Variants in UMAD1 observed in about 807,000 individuals in gnomAD.
UMAD1 encodes UBAP1-MVB12-associated (UMA)-domain containing protein 1.
In UMAD1, 8 loss-of-function variants were observed where a neutral mutation model predicts 6.1. That is an observed-to-expected ratio of 1.30 (90% confidence interval 0.76 to 2.35). UMAD1 has a LOEUF of 2.35. Ranked by LOEUF, UMAD1 falls within the 30% of genes most tolerant of loss-of-function variation. UMAD1 has a pLI of 0.00. For missense variants in UMAD1, 130 were observed against 78.4 expected, an observed-to-expected ratio of 1.66 and a Z score of -2.49; for synonymous variants, 56 against 31.4, an observed-to-expected ratio of 1.78 and a Z score of -2.61.
intron 2 of UMAD1, among the ~76,000 whole-genome samples, chr7:7,680,751 G>C (rs568889972): frequency 6.6e-6 from 1 of 151,856 alleles, no homozygotes; most frequent in South Asian, 2.1e-4. Flanking sequence ...TTATTTTAGA[G>C]ATCTTTCACT....
chr7:7,811,145 T>C (rs1389485621), intron 3 of UMAD1, among the ~76,000 whole-genome samples: 4 of 152,204 alleles, frequency 2.6e-5, no homozygotes, highest in Non-Finnish European at 2.9e-5. Context: ...TTCTTTCTTT[T>C]TATCTATGAT....
At chr7:7,694,157 A>C (rs2115142191) in intron 2 of UMAD1, among the ~76,000 whole-genome samples, 1 of 152,296 alleles carries the variant, frequency 6.6e-6, no homozygotes. Flanking sequence ...CCAAAGAAGG[A>C]ATGAAGCATG....
intron 2 of UMAD1, among the ~76,000 whole-genome samples, chr7:7,675,865 C>T (rs1779726260): frequency 6.6e-6 from 1 of 152,198 alleles, no homozygotes; most frequent in Non-Finnish European, 1.5e-5. Context: ...TTGGCTGAGG[C>T]CTCGTTGCCC....
At chr7:7,802,326 C>T (rs1563217947) in intron 3 of UMAD1, among the ~76,000 whole-genome samples, 1 of 151,830 alleles carries the variant, frequency 6.6e-6, no homozygotes, top group Admixed American at 6.6e-5. Context: ...TGCAGTGAGC[C>T]TAGATCGCGC....
chr7:7,846,431 T>A (rs1323067806), intron 3 of UMAD1, among the ~76,000 whole-genome samples: 1 of 152,196 alleles, frequency 6.6e-6, no homozygotes, highest in Non-Finnish European at 1.5e-5. Flanking sequence ...AATTATTACC[T>A]GCAAGAGATA....
rs905026138 is a variant in UMAD1 at position 7,698,831 on chromosome 7, C to G, written c.82+25378C>G. Reference sequence around the variant, plus strand: ...AGCCAAAAACCAGACCATGACATTTCTGGCTGTGGATTTCGTTTCCACCAA... The same window carrying G: ...AGCCAAAAACCAGACCATGACATTTGTGGCTGTGGATTTCGTTTCCACCAA... On this transcript the variant is annotated intron_variant, in intron 2 of 3. Transcript: ENST00000682710. Among the ~76,000 whole-genome samples the G allele has an allele frequency of 5.7e-4, 86 of 150,574 alleles. 2 individuals are homozygous for G. Among genetic ancestry groups the G allele is most frequent in the Admixed American group, 2.0e-4 (3 of 15,072 alleles).
intron 2 of UMAD1, among the ~76,000 whole-genome samples, chr7:7,720,253 C>T (rs1583773153): frequency 6.6e-6 from 1 of 152,146 alleles, no homozygotes; most frequent in Admixed American, 6.5e-5. Context: ...ACAAACTATA[C>T]ATCTCTGAGA....
chr7:7,668,887 A>T (rs1290605125), intron 1 of UMAD1, among the ~76,000 whole-genome samples: 3 of 152,124 alleles, frequency 2.0e-5, no homozygotes, highest in African/African-American at 7.2e-5. Flanking sequence ...TGGACAGGAA[A>T]CCACTCTATT....
intron 2 of UMAD1, among the ~76,000 whole-genome samples, chr7:7,794,776 G>C (rs1216200188): frequency 2.6e-5 from 4 of 152,136 alleles, no homozygotes; most frequent in African/African-American, 9.7e-5. Flanking sequence ...TTGTGGGGGA[G>C]ATTACATCCG....
At position 7,667,591 on chromosome 7, in the gene UMAD1, AATGTTTAT is replaced by A. The variant is rs28992768; in HGVS notation, c.-63-5715_-63-5708del. ...CATTGTCTGGCCTATCCACTTAATG[AATGTTTAT>A]ATTATAAAAGTATGAAGTAAGTGAA... On this transcript the variant is annotated intron_variant, in intron 1 of 3. Transcript: ENST00000682710. Among the ~76,000 whole-genome samples, 594 of 152,294 alleles carry A rather than the reference AATGTTTAT, an allele frequency of 3.9e-3. 2 individuals are homozygous for A. The highest frequency in any genetic ancestry group is 0.014 in the African/African-American group (571 of 41,546).
intron 1 of UMAD1, among the ~76,000 whole-genome samples, chr7:7,645,285 G>T (rs1463683233): frequency 6.6e-6 from 1 of 152,020 alleles, no homozygotes; most frequent in East Asian, 1.9e-4. Flanking sequence ...GTCAAGATGG[G>T]GTTTAGCTGC....
chr7:7,753,041 C>G (rs1176873611), intron 2 of UMAD1, among the ~76,000 whole-genome samples: 1 of 152,090 alleles, frequency 6.6e-6, no homozygotes, highest in African/African-American at 2.4e-5. Context: ...AAGTAAAAGA[C>G]CCCTCCTCCA....
intron 2 of UMAD1, among the ~76,000 whole-genome samples, chr7:7,675,116 C>T (rs529296269): frequency 2.0e-4 from 31 of 152,242 alleles, no homozygotes; most frequent in Admixed American, 1.8e-3. Context: ...CTTCCTGCCT[C>T]GGCCCCCCAA....
rs1433978761 is a variant in UMAD1, at chr7:7,877,353, G to C, written c.229G>C (p.Glu77Gln). ...GGAAAATAAGGCAGGCCAGACTCTGGAGAACAGCTCATTAATGGCCGAGCT... is the reference window on the plus strand; with the variant it reads ...GGAAAATAAGGCAGGCCAGACTCTGCAGAACAGCTCATTAATGGCCGAGCT... ...EMENKAGQTLENSSLMAELLS... is the reference protein window; with the variant it reads ...EMENKAGQTLQNSSLMAELLS... The change falls in exon 4 of 4, where the codon GAG becomes CAG. Residue 77 changes from glutamate (E) to glutamine (Q), a missense_variant. Glu to Gln is a conservative substitution (Grantham distance 29). Coordinates refer to ENST00000682710, the MANE Select transcript of UMAD1 (RefSeq NM_001302348.2). 1 of 717,536 alleles carries C rather than the reference G, an allele frequency of 1.4e-6. No homozygotes were observed. The highest frequency in any genetic ancestry group is 1.7e-5 in the African/African-American group (1 of 57,394). The allele number at this position is 717,536 out of a possible 1,614,324, so 44.4% of individuals were successfully genotyped here.
At chr7:7,666,138 C>T (rs182778267) in intron 1 of UMAD1, among the ~76,000 whole-genome samples, 9 of 152,216 alleles carry the variant, frequency 5.9e-5, no homozygotes, top group Admixed American at 5.2e-4. Context: ...ACAAGAGTTC[C>T]AGTTGCTCCA....
At chr7:7,796,931 G>A (rs1215961941) in intron 2 of UMAD1, among the ~76,000 whole-genome samples, 1 of 152,118 alleles carries the variant, frequency 6.6e-6, no homozygotes, top group Non-Finnish European at 1.5e-5. Context: ...TCCTCATTTG[G>A]TGGCCCTAAG....
intron 1 of UMAD1, among the ~76,000 whole-genome samples, chr7:7,644,880 G>T (rs907721487): frequency 1.3e-5 from 2 of 152,124 alleles, no homozygotes; most frequent in African/African-American, 4.8e-5. Context: ...GATCAAAATT[G>T]CACTGTATCC....
At chr7:7,685,879 A>T (rs1416928258) in intron 2 of UMAD1, 1 of 152,218 alleles carries the variant, frequency 6.6e-6, no homozygotes. Context: ...GTGGTAAATT[A>T]GTGTCGTATC....
chr7:7,740,320 T>C (rs1300192670), intron 2 of UMAD1, among the ~76,000 whole-genome samples: 1 of 152,258 alleles, frequency 6.6e-6, no homozygotes, highest in East Asian at 1.9e-4. Context: ...GTCTATCCTT[T>C]GCGATAACCT....
Sources: allele counts gnomAD v4.1 joint callset (sites outside exome capture counted in the v4.1 genomes callset), GRCh38; gene constraint gnomAD v4.1.1; transcripts MANE v1.5; gene names NCBI Gene and HGNC (gene_info 2026-07-23, HGNC 2026-07-21).